NBEA: variants seen among roughly 807,000 people sequenced by gnomAD.
The protein encoded by NBEA is lysosomal-trafficking regulator 2.
NBEA carries 44 observed loss-of-function variants against 343.4 expected under a neutral mutation model. The observed-to-expected ratio is 0.13, with a 90% confidence interval of 0.10 to 0.16. The LOEUF (loss-of-function observed/expected upper bound fraction) is 0.16, where lower values mean the gene tolerates loss of function less well. Among genes scored for constraint, NBEA ranks in the 10% least tolerant of loss-of-function variants. The pLI is 1.00. For missense variants in NBEA, 2,555 were observed against 3,631.3 expected (o/e 0.70, Z 7.62); for synonymous variants, 1,175 against 1,238.7 (o/e 0.95, Z 1.08).
At chr13:35,638,441 A>G (rs1479254184) in intron 49 of NBEA, among the ~76,000 whole-genome samples, 1 of 152,212 alleles carries the variant, frequency 6.6e-6, no homozygotes, top group Admixed American at 6.5e-5. Context: ...GGCCTTAGGT[A>G]GAGGAGTACT....
intron 1 of NBEA, among the ~76,000 whole-genome samples, chr13:34,989,281 A>G (rs1209221358): frequency 6.6e-6 from 1 of 151,046 alleles, no homozygotes; most frequent in African/African-American, 2.4e-5. Context: ...CAATAAATGT[A>G]TTAGTCTGTT....
At chr13:35,609,318 T>C (rs866186095) in intron 48 of NBEA, among the ~76,000 whole-genome samples, 24 of 152,230 alleles carry the variant, frequency 1.6e-4, no homozygotes, top group African/African-American at 4.3e-4. Flanking sequence ...CCACATTTCC[T>C]GCTAGAAGAG....
chr13:35,264,818 T>TGAGAGAGGAA (rs1004715888), intron 34 of NBEA, among the ~76,000 whole-genome samples: 1 of 151,916 alleles, frequency 6.6e-6, no homozygotes, highest in Non-Finnish European at 1.5e-5. Flanking sequence ...CTTTTTCCTC[T>TGAGAGAGGAA]AAGATCTGAG....
At chr13:34,958,984 C>T (rs937296706) in intron 1 of NBEA, among the ~76,000 whole-genome samples, 1 of 152,096 alleles carries the variant, frequency 6.6e-6, no homozygotes, top group Non-Finnish European at 1.5e-5. Context: ...CCCTCACCAC[C>T]TCCTAAAGGA....
chr13:35,000,243 A>C (rs926948389), intron 1 of NBEA, among the ~76,000 whole-genome samples: 1 of 152,158 alleles, frequency 6.6e-6, no homozygotes, highest in African/African-American at 2.4e-5. Flanking sequence ...GGAGAAAATA[A>C]TGGGATACAG....
chr13:35,487,626 T>C (rs1038126592), intron 41 of NBEA, among the ~76,000 whole-genome samples: 1 of 151,974 alleles, frequency 6.6e-6, no homozygotes, highest in Non-Finnish European at 1.5e-5. Flanking sequence ...CCTACTCAGA[T>C]AGTTAATTGC....
At chr13:35,139,990 G>T (rs764443044) in intron 17 of NBEA, among the ~76,000 whole-genome samples, 52 of 152,060 alleles carry the variant, frequency 3.4e-4, no homozygotes, top group Non-Finnish European at 6.5e-4. Context: ...ACAGTTAAGA[G>T]AATATTCTAA....
chr13:35,509,571 C>T (rs911441004), intron 41 of NBEA, among the ~76,000 whole-genome samples: 5 of 152,168 alleles, frequency 3.3e-5, no homozygotes, highest in South Asian at 2.1e-4. Flanking sequence ...ATTTGGCCAC[C>T]GGCTTAAGCC....
chr13:35,263,440 G>A (rs908027386), intron 34 of NBEA, among the ~76,000 whole-genome samples: 5 of 151,110 alleles, frequency 3.3e-5, no homozygotes, highest in African/African-American at 1.2e-4. Context: ...GGACCTAACC[G>A]ACATATTGAA....
At chr13:35,639,770 C>G (rs2083854617) in intron 49 of NBEA, among the ~76,000 whole-genome samples, 2 of 151,892 alleles carry the variant, frequency 1.3e-5, no homozygotes, top group Admixed American at 6.6e-5. Flanking sequence ...ATTGTGGGTA[C>G]CATAACCTAT....
chr13:35,428,003 A>C (rs12427841), intron 38 of NBEA, among the ~76,000 whole-genome samples: 34,560 of 152,048 alleles, frequency 0.23, 4,106 homozygotes, highest in East Asian at 0.37. Context: ...TTAGGGTGGG[A>C]GTGACCTGAT....
At chr13:35,254,759 C>G (rs987858054) in intron 34 of NBEA, among the ~76,000 whole-genome samples, 1 of 151,786 alleles carries the variant, frequency 6.6e-6, no homozygotes, top group Non-Finnish European at 1.5e-5. Context: ...GTTCAAATTC[C>G]GTTATCTAAA....
intron 21 of NBEA, among the ~76,000 whole-genome samples, chr13:35,158,298 G>A (rs1230810937): frequency 6.6e-6 from 1 of 152,060 alleles, no homozygotes; most frequent in Non-Finnish European, 1.5e-5. Context: ...ATGTCTGTAA[G>A]AGAAAGTCTG....
At chr13:35,659,712 CT>C (rs2084981088) in intron 55 of NBEA, among the ~76,000 whole-genome samples, 1 of 152,110 alleles carries the variant, frequency 6.6e-6, no homozygotes, top group African/African-American at 2.4e-5. Flanking sequence ...ATTATCATTG[CT>C]TTATTAATGT....
At chr13:35,164,561 A>G in intron 24 of NBEA, 52 bp downstream of exon 24, 1 of 1,548,760 alleles carries the variant, frequency 6.5e-7, no homozygotes, top group Non-Finnish European at 8.8e-7. Flanking sequence ...ACATGACTTT[A>G]GCATTTCAGT....
intron 48 of NBEA, among the ~76,000 whole-genome samples, chr13:35,612,889 C>A (rs1593367296): frequency 6.6e-6 from 1 of 151,986 alleles, no homozygotes; most frequent in East Asian, 1.9e-4. Flanking sequence ...TAAGTGAGAA[C>A]TTTTTAGAAG....
chr13:35,256,591 C>T (rs1397935777), intron 34 of NBEA, among the ~76,000 whole-genome samples: 2 of 152,138 alleles, frequency 1.3e-5, no homozygotes, highest in African/African-American at 2.4e-5. Context: ...GGCACCCAGG[C>T]TGTTCATGCC....
chr13:35,332,746 C>T (rs1173523796), intron 36 of NBEA, among the ~76,000 whole-genome samples: 1 of 151,978 alleles, frequency 6.6e-6, no homozygotes, highest in African/African-American at 2.4e-5. Flanking sequence ...AAAATTTAAA[C>T]AAAAGCATTA....
rs539520616 is a variant in NBEA, at chr13:35,176,459, A to G, written c.4555-537A>G. ...TGACTACATTACCTGAAATATGTAG[A>G]TGTTTTTCCTCCAACTATAAAATGT... On this transcript the variant is annotated intron_variant, in intron 27 of 58. Coordinates refer to ENST00000379939, the MANE Select transcript of NBEA (RefSeq NM_001385012.1). Among the ~76,000 whole-genome samples, 16 of 152,140 alleles carry G rather than the reference A, an allele frequency of 1.1e-4. No individual in the cohort carries two copies. In the South Asian group the frequency reaches 3.3e-3, roughly 32 times the overall value.
Sources: allele counts gnomAD v4.1 joint callset (sites outside exome capture counted in the v4.1 genomes callset), GRCh38; gene constraint gnomAD v4.1.1; transcripts MANE v1.5; gene names NCBI Gene and HGNC (gene_info 2026-07-23, HGNC 2026-07-21).